Variants in ESR1 observed in about 807,000 individuals in gnomAD.
ESR1 encodes estrogen receptor.
In ESR1, 12 loss-of-function variants were observed where a neutral mutation model predicts 52.7. The observed-to-expected ratio is 0.23, with a 90% CI of 0.15 to 0.37. ESR1 has a LOEUF of 0.37. ESR1 is among the 10% of genes least tolerant of loss of function. ESR1 has a pLI of 1.00. For synonymous variants in ESR1, 305 were observed against 316.8 expected (o/e 0.96, Z 0.39); for missense variants, 584 against 779.7 (o/e 0.75, Z 2.99).
intron 2 of ESR1, among the ~76,000 whole-genome samples, chr6:151,767,137 G>T (rs562482208): frequency 6.6e-6 from 1 of 151,964 alleles, no homozygotes; most frequent in African/African-American, 2.4e-5. Flanking sequence ...CCAAAATGTA[G>T]CAATTGCCCC....
intron 2 of ESR1, among the ~76,000 whole-genome samples, chr6:151,704,446 T>C (rs971292910): frequency 6.6e-6 from 1 of 152,158 alleles, no homozygotes. Context: ...GGTTTCACTA[T>C]GTTTCACCAT....
chr6:151,862,596 A>T (rs1256729570), intron 2 of ESR1, among the ~76,000 whole-genome samples: 1 of 152,212 alleles, frequency 6.6e-6, no homozygotes, highest in Non-Finnish European at 1.5e-5. Flanking sequence ...GCCAAGGGCA[A>T]TTGGCCCAGC....
chr6:151,698,197 C>G (rs1217806004), intron 1 of ESR1, among the ~76,000 whole-genome samples: 2 of 151,164 alleles, frequency 1.3e-5, no homozygotes, highest in African/African-American at 2.4e-5. Flanking sequence ...GAAACCCCAT[C>G]TCTATAAAAA....
At chr6:151,847,250 A>T (rs1174665413) in intron 2 of ESR1, among the ~76,000 whole-genome samples, 3 of 152,208 alleles carry the variant, frequency 2.0e-5, no homozygotes, top group African/African-American at 2.4e-5. Flanking sequence ...AGGGTGAGAC[A>T]GTCCAGCACC....
At chr6:151,780,211 G>C (rs553478517) in intron 2 of ESR1, among the ~76,000 whole-genome samples, 4 of 151,884 alleles carry the variant, frequency 2.6e-5, no homozygotes, top group African/African-American at 9.7e-5. Flanking sequence ...CTGTCGGGGG[G>C]TTGGGGGTCA....
At chr6:151,998,160 T>C (rs778222172) in intron 4 of ESR1, among the ~76,000 whole-genome samples, 59 of 152,186 alleles carry the variant, frequency 3.9e-4, no homozygotes, top group Admixed American at 7.9e-4. Flanking sequence ...AGATTTTCTG[T>C]GTAGCTAGGA....
At chr6:152,054,708 G>A (rs2046962389) in intron 5 of ESR1, among the ~76,000 whole-genome samples, 1 of 152,122 alleles carries the variant, frequency 6.6e-6, no homozygotes. Flanking sequence ...CAAAGTCTAT[G>A]AGCTAGATTA....
At chr6:152,069,126 T>C (rs1324471013) in intron 6 of ESR1, among the ~76,000 whole-genome samples, 1 of 134,338 alleles carries the variant, frequency 7.4e-6, no homozygotes, top group Non-Finnish European at 1.5e-5. Flanking sequence ...AGAGAAAGAG[T>C]TTAATAATTG....
At chr6:151,901,229 G>C (rs1796632104) in intron 3 of ESR1, among the ~76,000 whole-genome samples, 2 of 152,138 alleles carry the variant, frequency 1.3e-5, no homozygotes, top group South Asian at 4.1e-4. Context: ...GTGGGGGAAA[G>C]CCGGCAGTTA....
At chr6:151,815,345 T>G (rs973852262) in intron 1 of ESR1, among the ~76,000 whole-genome samples, 1 of 152,220 alleles carries the variant, frequency 6.6e-6, no homozygotes, top group Admixed American at 6.5e-5. Context: ...GCCTCTTTGA[T>G]TTCTAATAGG....
intron 6 of ESR1, among the ~76,000 whole-genome samples, chr6:152,081,457 C>T (rs1222332413): frequency 6.6e-6 from 1 of 151,994 alleles, no homozygotes; most frequent in Non-Finnish European, 1.5e-5. Context: ...ACCAGAATTT[C>T]TGGGACACAT....
chr6:152,017,289 CAT>C (rs2043239540), intron 5 of ESR1, among the ~76,000 whole-genome samples: 1 of 152,164 alleles, frequency 6.6e-6, no homozygotes. Context: ...TCCTAGTAGT[CAT>C]ATGCTTATAG....
At chr6:151,856,354 G>T (rs1319611543) in intron 2 of ESR1, among the ~76,000 whole-genome samples, 1 of 151,846 alleles carries the variant, frequency 6.6e-6, no homozygotes, top group Admixed American at 6.6e-5. Flanking sequence ...TTTTATGTTT[G>T]CAACTTTCTT....
intron 4 of ESR1, among the ~76,000 whole-genome samples, chr6:151,955,867 C>G (rs2036850277): frequency 1.3e-5 from 2 of 151,954 alleles, no homozygotes; most frequent in Admixed American, 6.6e-5. Flanking sequence ...TTCCGAACCT[C>G]TCCTCCTCTC....
intron 4 of ESR1, among the ~76,000 whole-genome samples, chr6:151,987,549 A>C (rs543097417): frequency 6.6e-6 from 1 of 152,168 alleles, no homozygotes; most frequent in East Asian, 1.9e-4. Flanking sequence ...AAGATAGGTT[A>C]CGACAGTTGC....
At chr6:152,056,716 G>A (rs942470833) in intron 5 of ESR1, among the ~76,000 whole-genome samples, 5 of 152,198 alleles carry the variant, frequency 3.3e-5, no homozygotes, top group Non-Finnish European at 2.9e-5. Flanking sequence ...CCCACAAGGG[G>A]ATTTTGAGGT....
intron 2 of ESR1, among the ~76,000 whole-genome samples, chr6:151,860,289 C>G (rs1386506216): frequency 1.3e-5 from 2 of 152,112 alleles, no homozygotes; most frequent in Non-Finnish European, 2.9e-5. Flanking sequence ...CACCTGAAAT[C>G]TCTCTTAGCA....
At chr6:151,906,217 A>G (rs1203088418) in intron 3 of ESR1, among the ~76,000 whole-genome samples, 1 of 152,156 alleles carries the variant, frequency 6.6e-6, no homozygotes, top group Non-Finnish European at 1.5e-5. Context: ...AAATTCTAAC[A>G]ATCAACTGTA....
intron 6 of ESR1, among the ~76,000 whole-genome samples, chr6:152,080,901 C>T (rs1344436856): frequency 1.3e-5 from 2 of 149,926 alleles, no homozygotes; most frequent in Admixed American, 1.3e-4. Context: ...GAGACAAAGA[C>T]AGCCACAACA....
Sources: allele counts gnomAD v4.1 joint callset (sites outside exome capture counted in the v4.1 genomes callset), GRCh38; gene constraint gnomAD v4.1.1; transcripts MANE v1.5; gene names NCBI Gene and HGNC (gene_info 2026-07-23, HGNC 2026-07-21).